The following TAS2R1 variants were observed in gnomAD, a reference collection of about 807,000 sequenced individuals.
TAS2R1 encodes the protein taste receptor type 2 member 1.
For missense variants in TAS2R1, 370 were observed against 353.4 expected, an observed-to-expected ratio of 1.05 and a Z score of -0.38; for synonymous variants, 141 against 134.2, an observed-to-expected ratio of 1.05 and a Z score of -0.35.
the TAS2R1 span, among the ~76,000 whole-genome samples, chr5:9,727,725 C>CAGGT: frequency 6.6e-6 from 1 of 152,150 alleles, no homozygotes; most frequent in African/African-American, 2.4e-5. Context: ...GACCTGGCCC[C>CAGGT]AGGTAGATGG....
the TAS2R1 span, among the ~76,000 whole-genome samples, chr5:9,762,810 T>C: frequency 6.6e-6 from 1 of 152,200 alleles, no homozygotes; most frequent in Non-Finnish European, 1.5e-5. Context: ...TTGTAAGAGT[T>C]CCCTGCCTCT....
At chr5:9,769,933 T>C in the TAS2R1 span, among the ~76,000 whole-genome samples, 1 of 152,220 alleles carries the variant, frequency 6.6e-6, no homozygotes, top group Non-Finnish European at 1.5e-5. Flanking sequence ...ATCCCCTTTG[T>C]CCATTTCTGC....
the TAS2R1 span, among the ~76,000 whole-genome samples, chr5:9,828,263 T>C: frequency 6.6e-6 from 1 of 152,090 alleles, no homozygotes; most frequent in Non-Finnish European, 1.5e-5. Context: ...GTAGCTGAGA[T>C]TACAGGCATC....
chr5:9,721,982 C>G, the TAS2R1 span, among the ~76,000 whole-genome samples: 1 of 152,208 alleles, frequency 6.6e-6, no homozygotes, highest in Non-Finnish European at 1.5e-5. Flanking sequence ...TATAGGTGGC[C>G]AGACCAGTAA....
At chr5:9,720,586 G>A in the TAS2R1 span, among the ~76,000 whole-genome samples, 11 of 152,200 alleles carry the variant, frequency 7.2e-5, no homozygotes, top group Non-Finnish European at 1.5e-4. Context: ...AGAGTCTGAC[G>A]AGAAAGAGAG....
At chr5:9,830,605 GCACACACACACA>G in the TAS2R1 span, among the ~76,000 whole-genome samples, 1 of 149,814 alleles carries the variant, frequency 6.7e-6, no homozygotes, top group African/African-American at 2.5e-5. Flanking sequence ...ACGTGCGCGC[GCACACACACACA>G]CACACACACA....
the TAS2R1 span, among the ~76,000 whole-genome samples, chr5:9,868,006 A>C: frequency 6.6e-6 from 1 of 152,204 alleles, no homozygotes; most frequent in Non-Finnish European, 1.5e-5. Flanking sequence ...ATTCTGATGC[A>C]AGAAGTGGGC....
the TAS2R1 span, among the ~76,000 whole-genome samples, chr5:9,881,258 A>G: frequency 6.6e-6 from 1 of 152,082 alleles, no homozygotes; most frequent in Non-Finnish European, 1.5e-5. Context: ...CACAATTAAT[A>G]CAAAGAGAAT....
intron 1 of TAS2R1, among the ~76,000 whole-genome samples, chr5:9,693,362 T>C (rs1741287995): frequency 6.6e-6 from 1 of 151,552 alleles, no homozygotes; most frequent in Admixed American, 6.6e-5. Flanking sequence ...AGTTCTCTAC[T>C]AAAAATACAA....
the TAS2R1 span, among the ~76,000 whole-genome samples, chr5:9,730,715 G>C: frequency 2.6e-5 from 4 of 152,240 alleles, no homozygotes; most frequent in South Asian, 8.3e-4. Flanking sequence ...TGGTTTGGCT[G>C]TGTCCCCACC....
upstream of TAS2R1, chr5:9,714,128 C>G (rs1734759282): frequency 6.6e-6 from 1 of 152,162 alleles, no homozygotes; most frequent in South Asian, 2.1e-4. Flanking sequence ...GGCTTTATGT[C>G]AGAAATCAAC....
At chr5:9,879,227 A>G in the TAS2R1 span, among the ~76,000 whole-genome samples, 1 of 152,282 alleles carries the variant, frequency 6.6e-6, no homozygotes, top group East Asian at 1.9e-4. Context: ...CATATTTAAT[A>G]CACAGGAACA....
the TAS2R1 span, among the ~76,000 whole-genome samples, chr5:9,776,703 C>T: frequency 2.6e-5 from 4 of 152,146 alleles, no homozygotes; most frequent in Non-Finnish European, 4.4e-5. Context: ...TCCTGCTTGA[C>T]GTGGAAAGTG....
At chr5:9,745,088 T>C in the TAS2R1 span, among the ~76,000 whole-genome samples, 2 of 152,168 alleles carry the variant, frequency 1.3e-5, no homozygotes, top group Non-Finnish European at 2.9e-5. Flanking sequence ...GGAAAAAGGC[T>C]GCGGGCAGAC....
At chr5:9,839,168 C>A in the TAS2R1 span, among the ~76,000 whole-genome samples, 1 of 152,178 alleles carries the variant, frequency 6.6e-6, no homozygotes, top group East Asian at 1.9e-4. Flanking sequence ...GAGGCAGATT[C>A]TCAAGAGCTT....
At chr5:9,639,708 G>C (rs1333260969) in intron 2 of TAS2R1, among the ~76,000 whole-genome samples, 2 of 152,220 alleles carry the variant, frequency 1.3e-5, no homozygotes, top group African/African-American at 2.4e-5. Context: ...AGCACTTGCT[G>C]CTTTACCTTG....
At chr5:9,748,669 G>A in the TAS2R1 span, among the ~76,000 whole-genome samples, 1 of 152,128 alleles carries the variant, frequency 6.6e-6, no homozygotes, top group Admixed American at 6.5e-5. Context: ...TCAAGGGAAT[G>A]AATAAAGCAA....
chr5:9,719,918 C>CAAAAAAA, the TAS2R1 span, among the ~76,000 whole-genome samples: 5 of 64,176 alleles, frequency 7.8e-5, no homozygotes, highest in East Asian at 5.1e-4. Context: ...GATTCCGATT[C>CAAAAAAA]AAAAAAAAAA....
At chr5:9,778,178 C>T in the TAS2R1 span, among the ~76,000 whole-genome samples, 2 of 149,962 alleles carry the variant, frequency 1.3e-5, no homozygotes, top group Non-Finnish European at 3.0e-5. Context: ...CCACGCCCGG[C>T]GGGAGGCCAG....
Sources: allele counts gnomAD v4.1 joint callset (sites outside exome capture counted in the v4.1 genomes callset), GRCh38; gene constraint gnomAD v4.1.1; transcripts MANE v1.5; gene names NCBI Gene and HGNC (gene_info 2026-07-23, HGNC 2026-07-21).